NR3C2: variants seen among roughly 807,000 people sequenced by gnomAD.
The protein encoded by NR3C2 is mineralocorticoid receptor.
NR3C2 carries 15 observed loss-of-function variants against 86.4 expected under a neutral mutation model. The observed-to-expected ratio is 0.17, with a 90% confidence interval of 0.12 to 0.27. The LOEUF is 0.27. NR3C2 is among the 10% of genes least tolerant of loss of function. NR3C2 has a pLI of 1.00. For missense variants in NR3C2, 960 were observed against 1,195.6 expected, an observed-to-expected ratio of 0.80 and a Z score of 2.91; for synonymous variants, 458 against 450.5, an observed-to-expected ratio of 1.02 and a Z score of -0.21.
At chr4:148,391,980 A>C (rs949747745) in intron 2 of NR3C2, among the ~76,000 whole-genome samples, 1 of 152,264 alleles carries the variant, frequency 6.6e-6, no homozygotes. Context: ...TTGGAGAAAT[A>C]AAAACTTTAT....
chr4:148,443,258 A>G (rs2126677016), upstream of NR3C2, among the ~76,000 whole-genome samples: 1 of 136,744 alleles, frequency 7.3e-6, no homozygotes. Context: ...AAAAAAAGAG[A>G]GAGAGAGAAA....
At chr4:148,365,982 G>A (rs944435478) in intron 2 of NR3C2, among the ~76,000 whole-genome samples, 10 of 152,060 alleles carry the variant, frequency 6.6e-5, no homozygotes, top group East Asian at 1.9e-4. Flanking sequence ...AAAGTTATCC[G>A]TAATATCAAA....
chr4:148,436,205 C>T lies in NR3C2; in HGVS notation c.656G>A (p.Ser219Asn), dbSNP rs1481666666. The T allele has an allele frequency of 6.2e-7, 1 of 1,614,160 alleles. No homozygotes were observed. The highest frequency in any genetic ancestry group is 1.1e-5 in the South Asian group (1 of 91,084). Residue 219 changes from serine (S) to asparagine (N), a missense_variant, in exon 2 of 9, where the codon AGC (serine) becomes AAC (asparagine). Coordinates refer to ENST00000358102, the MANE Select transcript of NR3C2 (RefSeq NM_000901.5). ...GCTGTGCACTGGAAAACTGCCAAAG[C>T]TGGCTGTGGTGGAGGACACAGAGTT... ...GINSVSSTTA[S>N]FGSFPVHSPI... is the part of the protein sequence containing the mutation.
chr4:148,388,624 G>T (rs1321477158), intron 2 of NR3C2, among the ~76,000 whole-genome samples: 1 of 152,086 alleles, frequency 6.6e-6, no homozygotes, highest in Admixed American at 6.5e-5. Context: ...TTTTTTAAAT[G>T]CTTAGATATA....
intron 2 of NR3C2, among the ~76,000 whole-genome samples, chr4:148,284,157 G>C (rs961668221): frequency 1.3e-5 from 2 of 152,130 alleles, no homozygotes; most frequent in Admixed American, 1.3e-4. Context: ...GGGTTATGTA[G>C]AGCCTTATGT....
chr4:148,197,439 G>A (rs1010123393), intron 3 of NR3C2, among the ~76,000 whole-genome samples: 4 of 152,154 alleles, frequency 2.6e-5, no homozygotes, highest in Non-Finnish European at 4.4e-5. Flanking sequence ...GCAAGGTCAC[G>A]AATCATTTGC....
At chr4:148,208,564 C>G (rs1737121057) in intron 3 of NR3C2, 1 of 152,352 alleles carries the variant, frequency 6.6e-6, no homozygotes, top group Admixed American at 6.5e-5. Flanking sequence ...AGTCCCAAGA[C>G]TGGGGCTCTG....
At chr4:148,117,517 C>T (rs796763913) in intron 7 of NR3C2, among the ~76,000 whole-genome samples, 19 of 119,302 alleles carry the variant, frequency 1.6e-4, no homozygotes, top group African/African-American at 5.2e-4. Context: ...AGAGGATACT[C>T]AACATATCAC....
At chr4:148,301,673 G>A (rs1742341877) in intron 2 of NR3C2, among the ~76,000 whole-genome samples, 2 of 152,070 alleles carry the variant, frequency 1.3e-5, no homozygotes, top group African/African-American at 4.8e-5. Context: ...TCATCATTTT[G>A]GCAAAATAAA....
chr4:148,393,060 T>C (rs1218456870), intron 2 of NR3C2, among the ~76,000 whole-genome samples: 1 of 152,240 alleles, frequency 6.6e-6, no homozygotes, highest in African/African-American at 2.4e-5. Context: ...GAAGTTTTGT[T>C]TTTGTTTTTT....
intron 8 of NR3C2, among the ~76,000 whole-genome samples, chr4:148,084,795 C>T (rs1730737021): frequency 6.6e-6 from 1 of 152,058 alleles, no homozygotes; most frequent in Non-Finnish European, 1.5e-5. Context: ...CACATATAGT[C>T]TCAAAATAAA....
rs760532405 is a variant in NR3C2 at position 148,436,820 on chromosome 4, T to C, written c.41A>G (p.Asp14Gly). Residue 14 changes from aspartate to glycine, a missense_variant, in exon 2 of 9, where the codon GAT becomes GGT. This residue lies in a region of NR3C2 where 680 missense variants were observed against 719.0 expected (regional missense o/e 0.95). Transcript: ENST00000358102. ...KGYHSLPEGLDMERRWGQVSQ... is the reference protein window; with the variant it reads ...KGYHSLPEGLGMERRWGQVSQ... ...AACTTGACCCCACCGTCTTTCCATA[T>C]CTAGACCTTCAGGGAGACTGTGGTA... 6.2e-7 allele frequency: 1 copy of C among 1,612,462 alleles called. No homozygotes were observed. The highest frequency in any genetic ancestry group is 8.5e-7 in the Non-Finnish European group (1 of 1,179,988).
intron 3 of NR3C2, among the ~76,000 whole-genome samples, chr4:148,213,540 G>C (rs1003427258): frequency 3.9e-5 from 6 of 152,156 alleles, no homozygotes; most frequent in Non-Finnish European, 8.8e-5. Context: ...TGAAATTAAA[G>C]CTGAGTATTA....
chr4:148,259,906 T>C, intron 3 of NR3C2, 72 bp downstream of exon 3: 3 of 1,570,374 alleles, frequency 1.9e-6, no homozygotes, highest in Non-Finnish European at 8.8e-7. Context: ...AATAATGCTA[T>C]AGCATTAGCT....
intron 3 of NR3C2, among the ~76,000 whole-genome samples, chr4:148,258,506 C>T (rs779878968): frequency 6.6e-6 from 1 of 152,118 alleles, no homozygotes; most frequent in Non-Finnish European, 1.5e-5. Flanking sequence ...TCAGGTTGTC[C>T]GACTCCAGCC....
chr4:148,262,971 C>T (rs1483365200), intron 2 of NR3C2, among the ~76,000 whole-genome samples: 1 of 152,182 alleles, frequency 6.6e-6, no homozygotes, highest in African/African-American at 2.4e-5. Context: ...ACACCTCTTA[C>T]CTGGGATTCT....
At chr4:148,266,334 G>A (rs1041034325) in intron 2 of NR3C2, among the ~76,000 whole-genome samples, 58 of 152,280 alleles carry the variant, frequency 3.8e-4, no homozygotes, top group African/African-American at 1.3e-3. Context: ...GCCTCCCAAC[G>A]TGTTGGGATT....
intron 2 of NR3C2, among the ~76,000 whole-genome samples, chr4:148,328,318 G>A (rs186418915): frequency 5.9e-5 from 9 of 152,306 alleles, no homozygotes; most frequent in Admixed American, 5.2e-4. Flanking sequence ...GAAGGTATGC[G>A]TAGGGGAAAG....
intron 4 of NR3C2, among the ~76,000 whole-genome samples, chr4:148,179,042 G>A (rs763993021): frequency 6.6e-6 from 1 of 151,364 alleles, no homozygotes; most frequent in Non-Finnish European, 1.5e-5. Context: ...CAAAGACTGT[G>A]CAATTATTAA....
Sources: allele counts gnomAD v4.1 joint callset (sites outside exome capture counted in the v4.1 genomes callset), GRCh38; gene constraint gnomAD v4.1.1; regional missense constraint gnomAD v4.1.1; transcripts MANE v1.5; gene names NCBI Gene and HGNC (gene_info 2026-07-23, HGNC 2026-07-21).